Variants in ARID5B observed in about 807,000 individuals in gnomAD.
ARID5B encodes the protein AT-rich interactive domain-containing protein 5B.
Under a neutral mutation model 97.2 loss-of-function variants are expected in ARID5B, and 13 were observed. The ratio of observed to expected loss-of-function variants is 0.13; its 90% CI spans 0.09 to 0.21. The LOEUF is 0.21. Ranked by LOEUF, ARID5B falls within the 10% of genes least tolerant of loss-of-function variation. The pLI is 1.00. For missense variants in ARID5B, 1,210 were observed against 1,465.3 expected (o/e 0.83, Z 2.84); for synonymous variants, 556 against 570.3 (o/e 0.97, Z 0.36).
intron 2 of ARID5B, among the ~76,000 whole-genome samples, chr10:61,902,861 T>G (rs1325771328): frequency 2.6e-5 from 4 of 152,124 alleles, no homozygotes; most frequent in Non-Finnish European, 5.9e-5. Context: ...TTTTTCAAAG[T>G]AAGTATTTGA....
intron 2 of ARID5B, among the ~76,000 whole-genome samples, chr10:61,902,673 A>ATG (rs59459790): frequency 0.085 from 12,617 of 148,370 alleles, 562 homozygotes; most frequent in Middle Eastern, 0.14. Context: ...TTGTTCAAGG[A>ATG]TGTGTGTGTG....
rs753171994 is a variant in ARID5B, at chr10:62,091,957, T to A, written c.2494T>A (p.Tyr832Asn). 1.3e-5 allele frequency: 21 copies of A among 1,613,520 alleles called. No homozygotes were observed. The highest frequency in any genetic ancestry group is 1.8e-5 in the Non-Finnish European group (21 of 1,179,850). ...CATGCCTAGCTTCCTGGCTGACTTC[T>A]ACTCGTCCCCTCATCTCCATAGCCT... is the stretch of plus-strand genomic sequence containing the variant. ...SHMPSFLADFYSSPHLHSLYR... is the reference protein window; with the variant it reads ...SHMPSFLADFNSSPHLHSLYR... Residue 832 changes from tyrosine (Y) to asparagine (N), a missense_variant, in exon 10 of 10, where the codon TAC becomes AAC. By Grantham distance (143) the Tyr-to-Asn change is moderately radical. Coordinates refer to ENST00000279873, the MANE Select transcript of ARID5B (RefSeq NM_032199.3).
At chr10:62,085,983 T>G in intron 9 of ARID5B, 83 bp downstream of exon 9, 2 of 1,400,760 alleles carry the variant, frequency 1.4e-6, no homozygotes, top group Non-Finnish European at 2.0e-6. Context: ...TCCACAGCTG[T>G]GTCCCTGCAC....
intron 2 of ARID5B, among the ~76,000 whole-genome samples, chr10:61,914,043 G>A (rs913579641): frequency 6.6e-6 from 1 of 152,184 alleles, no homozygotes; most frequent in Non-Finnish European, 1.5e-5. Context: ...GAGCTACCGC[G>A]CCCAGCCCTG....
chr10:61,982,632 A>G (rs1203376921), intron 3 of ARID5B, among the ~76,000 whole-genome samples: 1 of 152,242 alleles, frequency 6.6e-6, no homozygotes, highest in Non-Finnish European at 1.5e-5. Flanking sequence ...TCCTAGCCCA[A>G]GATATCATGT....
chr10:62,015,112 T>G (rs566245604), intron 4 of ARID5B, among the ~76,000 whole-genome samples: 3 of 152,240 alleles, frequency 2.0e-5, no homozygotes, highest in Non-Finnish European at 4.4e-5. Flanking sequence ...GAGCATACCA[T>G]GTATCAGGCA....
At chr10:62,013,274 G>A (rs1839240248) in intron 4 of ARID5B, among the ~76,000 whole-genome samples, 1 of 152,136 alleles carries the variant, frequency 6.6e-6, no homozygotes. Flanking sequence ...GTCTGCCTCA[G>A]ACCTTCAGAA....
In ARID5B at chr10:62,095,410, C is replaced by G. The variant is rs1349419532; in HGVS notation, c.*2380C>G. 1 of 233,286 alleles carries G rather than the reference C, an allele frequency of 4.3e-6. No individual in the cohort carries two copies. The highest frequency in any genetic ancestry group is 5.6e-5 in the Admixed American group (1 of 17,754). 14.5% of individuals were successfully genotyped at this position (233,286 alleles called of 1,614,324 possible). ...GGGGGGGCATCTGTCCCCGGTGGAG[C>G]TCACCTATTTGGAATATGGGGCATT... is the stretch of plus-strand genomic sequence containing the variant. On this transcript the variant is annotated 3_prime_UTR_variant, in exon 10 of 10. Coordinates refer to ENST00000279873, the MANE Select transcript of ARID5B (RefSeq NM_032199.3).
At chr10:61,970,848 G>C (rs111518197) in intron 3 of ARID5B, among the ~76,000 whole-genome samples, 4 of 152,162 alleles carry the variant, frequency 2.6e-5, no homozygotes, top group Non-Finnish European at 5.9e-5. Flanking sequence ...GAAGAAGGTA[G>C]AACTTATTTT....
At chr10:61,988,936 C>CTTTTTTTTTTTTTTTTTTTT (rs61016394) in intron 3 of ARID5B, among the ~76,000 whole-genome samples, 3 of 122,262 alleles carry the variant, frequency 2.5e-5, no homozygotes, top group Non-Finnish European at 4.8e-5. Context: ...TTTTCTTTTA[C>CTTTTTTTTTTTTTTTTTTTT]TTTTTTTTTT....
intron 8 of ARID5B, among the ~76,000 whole-genome samples, chr10:62,077,258 A>G (rs1337735599): frequency 6.6e-6 from 1 of 152,194 alleles, no homozygotes; most frequent in Non-Finnish European, 1.5e-5. Context: ...ATAACTTTCC[A>G]ATGCCTGGAT....
intron 2 of ARID5B, among the ~76,000 whole-genome samples, chr10:61,904,904 C>T (rs1843683261): frequency 6.6e-6 from 1 of 152,212 alleles, no homozygotes; most frequent in South Asian, 2.1e-4. Context: ...GTCATTTCCC[C>T]CCTGGCCTAA....
At chr10:61,918,729 T>C (rs1843953569) in intron 2 of ARID5B, among the ~76,000 whole-genome samples, 3 of 152,188 alleles carry the variant, frequency 2.0e-5, no homozygotes, top group African/African-American at 4.8e-5. Context: ...CTGTTCCATG[T>C]AGATGTTAAA....
At chr10:62,032,964 A>G (rs1229790907) in intron 4 of ARID5B, among the ~76,000 whole-genome samples, 3 of 152,232 alleles carry the variant, frequency 2.0e-5, no homozygotes, top group Non-Finnish European at 4.4e-5. Context: ...TGAAAACGCG[A>G]GAGCAAAAGC....
At position 61,983,868 on chromosome 10, in the gene ARID5B, T is replaced by A. The variant is rs1838811017; in HGVS notation, c.503-16223T>A. Among the ~76,000 whole-genome samples the A allele has an allele frequency of 1.0e-3, 3 of 2,874 alleles. No individual in the cohort carries two copies. The South Asian group carries it at 0.05, about 48-fold the overall frequency. 1.9% of individuals were successfully genotyped at this position (2,874 alleles called of 152,430 possible). ...ATATTTTTTAAACCCCCTTTTGTTC[T>A]TTTTTTTTTTTTTTTTTTTTTTTTT... On this transcript the variant is annotated intron_variant, in intron 3 of 9. Coordinates refer to ENST00000279873, the MANE Select transcript of ARID5B (RefSeq NM_032199.3).
At position 62,004,715 on chromosome 10, in the gene ARID5B, T is replaced by C. The variant is rs543557472; in HGVS notation, c.733+4394T>C. On this transcript the variant is annotated intron_variant, in intron 4 of 9. Coordinates refer to ENST00000279873, the MANE Select transcript of ARID5B (RefSeq NM_032199.3). ...AAACACATACAAACATTTTTGTCTATTTTTGTTGTTAGAACAATAAAATGT... is the reference window on the plus strand; with the variant it reads ...AAACACATACAAACATTTTTGTCTACTTTTGTTGTTAGAACAATAAAATGT... Among the ~76,000 whole-genome samples, 272 of 152,362 alleles carry C rather than the reference T, an allele frequency of 1.8e-3. 2 individuals carry two copies. The highest frequency in any genetic ancestry group is 5.9e-3 in the African/African-American group (247 of 41,584).
At chr10:62,021,029 A>AAT (rs10528323) in intron 4 of ARID5B, among the ~76,000 whole-genome samples, 6,282 of 105,964 alleles carry the variant, frequency 0.059, 217 homozygotes, top group African/African-American at 0.08. Flanking sequence ...TTGTCACATG[A>AAT]ATATATATAT....
At chr10:61,902,435 C>G (rs1377321322) in intron 2 of ARID5B, 22 bp downstream of exon 2, 1 of 1,607,574 alleles carries the variant, frequency 6.2e-7, no homozygotes, top group South Asian at 1.1e-5. Context: ...GTCTGTCCCC[C>G]TCTTCTTTCT....
At chr10:61,962,943 TTAG>T (rs1367094787) in intron 3 of ARID5B, among the ~76,000 whole-genome samples, 1 of 152,226 alleles carries the variant, frequency 6.6e-6, no homozygotes, top group Admixed American at 6.5e-5. Context: ...GTTTTTAATG[TTAG>T]TAGAAACTTA....
Sources: gnomAD v4.1 joint callset for allele counts (sites outside exome capture counted in the v4.1 genomes callset) on GRCh38, gnomAD v4.1.1 for gene constraint, MANE v1.5 for transcripts, NCBI Gene and HGNC (gene_info 2026-07-23, HGNC 2026-07-21) for gene names.